Variants in FIGLA observed in about 807,000 individuals in gnomAD.
The protein encoded by FIGLA is factor in the germline alpha.
A neutral mutation model predicts 21.5 loss-of-function variants in FIGLA; 17 were observed. The observed-to-expected ratio is 0.79, with a 90% CI of 0.54 to 1.19. The LOEUF (loss-of-function observed/expected upper bound fraction) is 1.19. Ranked by LOEUF, FIGLA falls within the 50% of genes most tolerant of loss-of-function variation. FIGLA has a pLI of 0.00. For synonymous variants in FIGLA, 129 were observed against 117.6 expected, an observed-to-expected ratio of 1.10 and a Z score of -0.63; for missense variants, 282 against 285.0, an observed-to-expected ratio of 0.99 and a Z score of 0.08.
intron 1 of FIGLA, among the ~76,000 whole-genome samples, chr2:70,788,705 A>G (rs377344396): frequency 6.6e-5 from 10 of 152,346 alleles, no homozygotes; most frequent in African/African-American, 1.9e-4. Flanking sequence ...TACAAACTAA[A>G]ACAGAAATTA....
intron 3 of FIGLA, among the ~76,000 whole-genome samples, chr2:70,784,504 G>A (rs562435116): frequency 6.6e-6 from 1 of 152,296 alleles, no homozygotes; most frequent in African/African-American, 2.4e-5. Context: ...TGGAGAAACT[G>A]AGGATTAGAG....
intron 3 of FIGLA, among the ~76,000 whole-genome samples, chr2:70,782,245 TAAATCAAA>T (rs1384176698): frequency 3.3e-5 from 5 of 152,146 alleles, no homozygotes; most frequent in Non-Finnish European, 5.9e-5. Flanking sequence ...AGAAATAGAA[TAAATCAAA>T]ATCTGCCCCA....
chr2:70,788,231 G>T (rs180680834), intron 1 of FIGLA, among the ~76,000 whole-genome samples: 17 of 151,176 alleles, frequency 1.1e-4, no homozygotes, highest in Admixed American at 5.2e-4. Context: ...AAAGCTTTTT[G>T]GGGGGTGTGA....
intron 1 of FIGLA, among the ~76,000 whole-genome samples, chr2:70,789,758 G>A (rs183090269): frequency 2.4e-3 from 369 of 152,292 alleles, no homozygotes; most frequent in African/African-American, 8.6e-3. Flanking sequence ...AGTTTCGTTA[G>A]ATAGTAAAAT....
intron 1 of FIGLA, among the ~76,000 whole-genome samples, chr2:70,788,732 T>C (rs1372998271): frequency 7.9e-5 from 12 of 152,226 alleles, no homozygotes; most frequent in Non-Finnish European, 1.6e-4. Context: ...ATTTTTTATG[T>C]ATCAAGGTGG....
chr2:70,786,593 C>T (rs1553390082), intron 2 of FIGLA, among the ~76,000 whole-genome samples: 2 of 152,116 alleles, frequency 1.3e-5, no homozygotes, highest in African/African-American at 2.4e-5. Flanking sequence ...CGTGAGCCAC[C>T]GCGCCTGGCA....
intron 3 of FIGLA, among the ~76,000 whole-genome samples, chr2:70,784,706 A>G (rs1553389601): frequency 6.6e-6 from 1 of 152,112 alleles, no homozygotes. Flanking sequence ...CAGCATGCTT[A>G]CTTCACATTC....
chr2:70,790,610 G>T lies in FIGLA; in HGVS notation c.29C>A (p.Pro10His), dbSNP rs1247413611. Reference sequence around the variant, plus strand: ...CAGGAGCGCGGGCGGCGCGGCGCGGGGATCTAGGACGCCGGGCGCGGGGTC... The same window carrying T: ...CAGGAGCGCGGGCGGCGCGGCGCGGTGATCTAGGACGCCGGGCGCGGGGTC... MDPAPGVLD[P>H]RAAPPALLGT... Residue 10 changes from proline to histidine, a missense_variant, in exon 1 of 5, where the codon CCC (proline) becomes CAC (histidine). By Grantham distance (77) the Pro-to-His change is moderately conservative. Coordinates refer to ENST00000332372, the MANE Select transcript of FIGLA (RefSeq NM_001004311.3). 32 of 1,457,600 alleles carry T rather than the reference G, an allele frequency of 2.2e-5. No individual in the cohort carries two copies. Among genetic ancestry groups the T allele is most frequent in the Non-Finnish European group, 2.9e-5 (32 of 1,111,642 alleles). 90.3% of individuals were successfully genotyped at this position (1,457,600 alleles called of 1,614,324 possible).
intron 1 of FIGLA, 54 bp downstream of exon 1, chr2:70,790,354 T>G: frequency 6.9e-7 from 1 of 1,459,014 alleles, no homozygotes; most frequent in East Asian, 2.9e-5. Context: ...GACCAGGTGT[T>G]TGGTGGTAGA....
chr2:70,780,919 A>G (rs1675843493), intron 3 of FIGLA, among the ~76,000 whole-genome samples: 1 of 152,144 alleles, frequency 6.6e-6, no homozygotes, highest in African/African-American at 2.4e-5. Flanking sequence ...GGTGTGGTCC[A>G]GTGCAAACAT....
chr2:70,779,459 T>C (rs995084465), intron 3 of FIGLA, among the ~76,000 whole-genome samples: 1 of 152,186 alleles, frequency 6.6e-6, no homozygotes, highest in Admixed American at 6.5e-5. Flanking sequence ...GCTTCAGGTC[T>C]TTCCCAAGGT....
At chr2:70,782,851 G>A (rs1029307049) in intron 3 of FIGLA, among the ~76,000 whole-genome samples, 2 of 152,050 alleles carry the variant, frequency 1.3e-5, no homozygotes, top group African/African-American at 2.4e-5. Context: ...GGCAGATCAC[G>A]AAGTCAGGAA....
At chr2:70,785,231 G>A (rs1001791976) in intron 3 of FIGLA, among the ~76,000 whole-genome samples, 184 bp downstream of exon 3, 17 of 152,042 alleles carry the variant, frequency 1.1e-4, no homozygotes, top group South Asian at 2.1e-4. Flanking sequence ...CCCTGGAGCC[G>A]CTTACCAGTT....
intron 1 of FIGLA, 21 bp from the exon 2 acceptor site, chr2:70,787,822 G>C (rs782565660): frequency 6.2e-7 from 1 of 1,608,086 alleles, no homozygotes; most frequent in Non-Finnish European, 8.5e-7. Context: ...AAAAGGCACA[G>C]TAACACACAG....
chr2:70,777,707 CACAT>C, intron 3 of FIGLA, 36 bp from the exon 4 acceptor site: 1 of 1,101,544 alleles, frequency 9.1e-7, no homozygotes, highest in Admixed American at 1.9e-5. Context: ...AAGGGCTAAA[CACAT>C]CGGTTATTTG....
chr2:70,789,309 T>G (rs1306141461), intron 1 of FIGLA, among the ~76,000 whole-genome samples: 5 of 152,180 alleles, frequency 3.3e-5, no homozygotes, highest in African/African-American at 9.7e-5. Flanking sequence ...TTATAAAGAA[T>G]AATAAAGCTT....
chr2:70,783,056 C>CAAAAAAAA (rs60009932), intron 3 of FIGLA, among the ~76,000 whole-genome samples: 1 of 124,306 alleles, frequency 8.0e-6, no homozygotes, highest in African/African-American at 2.9e-5. Context: ...GACTCTGTCT[C>CAAAAAAAA]AAAAAAAAAA....
chr2:70,790,360 G>GT, intron 1 of FIGLA, 48 bp downstream of exon 1: 1 of 1,474,092 alleles, frequency 6.8e-7, no homozygotes, highest in Non-Finnish European at 9.0e-7. Context: ...GTGTTTGGTG[G>GT]TAGAGCAGGG....
In FIGLA at chr2:70,787,703, C is replaced by T. The variant is rs779683613; in HGVS notation, c.330G>A (p.Ala110=). 35 of 1,604,744 alleles carry T rather than the reference C, an allele frequency of 2.2e-5. No homozygotes were observed. In the Admixed American group the frequency reaches 3.2e-4, roughly 15 times the overall value. ...CACTGAGAACCTGTATATATTCAGT[C>T]GCACCTTTAAGGATATCAACTTTGC... ...KPSKVDILKG[A]TEYIQVLSDL... Residue 110 remains alanine (A), a synonymous_variant, in exon 2 of 5, where the codon GCG becomes GCA. Coordinates refer to ENST00000332372, the MANE Select transcript of FIGLA (RefSeq NM_001004311.3).
Sources: gnomAD v4.1 joint callset for allele counts (sites outside exome capture counted in the v4.1 genomes callset) on GRCh38, gnomAD v4.1.1 for gene constraint, MANE v1.5 for transcripts, NCBI Gene and HGNC (gene_info 2026-07-23, HGNC 2026-07-21) for gene names.